The following MCF2L2 variants were observed in gnomAD, a reference collection of about 807,000 sequenced individuals.
The protein encoded by MCF2L2 is MCF.2 cell line derived transforming sequence-like 2, also known as probable guanine nucleotide exchange factor MCF2L2.
A neutral mutation model predicts 150.2 loss-of-function variants in MCF2L2; 102 were observed. The ratio of observed to expected loss-of-function variants is 0.68; its 90% CI spans 0.58 to 0.80. MCF2L2 has a LOEUF of 0.80. MCF2L2 is among the 30% of genes least tolerant of loss of function. The probability of loss-of-function intolerance (pLI) is 0.00; values close to 1 mark genes in which losing one functional copy is unlikely to be tolerated. For missense variants in MCF2L2, 1,256 were observed against 1,372.8 expected (o/e 0.91, Z 1.34); for synonymous variants, 465 against 491.3 (o/e 0.95, Z 0.71).
intron 12 of MCF2L2, chr3:183,296,681 A>C: frequency 7.1e-5 from 18 of 252,426 alleles, no homozygotes; most frequent in Middle Eastern, 1.3e-3. Context: ...GAGGGATGGA[A>C]GCATGCCTAT....
At chr3:183,344,388 T>C (rs184986514) in intron 3 of MCF2L2, among the ~76,000 whole-genome samples, 1 of 152,214 alleles carries the variant, frequency 6.6e-6, no homozygotes, top group Non-Finnish European at 1.5e-5. Flanking sequence ...ATTGGCAGAT[T>C]AAAACCCAAC....
intron 15 of MCF2L2, among the ~76,000 whole-genome samples, chr3:183,241,307 G>C (rs1057125328): frequency 6.6e-6 from 1 of 152,188 alleles, no homozygotes; most frequent in Non-Finnish European, 1.5e-5. Context: ...GGAGGTGAAA[G>C]TGTATGCTAT....
chr3:183,339,094 A>C (rs1430819950), intron 4 of MCF2L2, among the ~76,000 whole-genome samples, 175 bp from the exon 5 acceptor site: 2 of 152,218 alleles, frequency 1.3e-5, no homozygotes, highest in Admixed American at 1.3e-4. Context: ...TAGAGGTCAG[A>C]TAATCCTAAC....
chr3:183,278,392 G>T lies in MCF2L2; in HGVS notation c.1777-1435C>A, dbSNP rs146160262. ...TGTGTGTACATAAAAGTAAGTATCA[G>T]TCCCAGGATTCAAATTCGAACCAGT... On this transcript the variant is annotated intron_variant, in intron 14 of 29. Coordinates refer to ENST00000328913, the MANE Select transcript of MCF2L2 (RefSeq NM_015078.4). 5.1e-3 allele frequency among the ~76,000 whole-genome samples: 780 copies of T among 151,794 alleles called. 4 individuals carry two copies. Among genetic ancestry groups the T allele is most frequent in the Non-Finnish European group, 7.6e-3 (516 of 67,926 alleles).
In MCF2L2 at chr3:183,338,685, G is replaced by A. The variant is rs1730585938; in HGVS notation, c.486+115C>T. The stretch of plus-strand genomic sequence containing the variant: ...ACACATGCGGTTCCCTCAGCCCAGA[G>A]AACCCTTTTCTCCCTCTCTACCTGT... On this transcript the variant is annotated intron_variant, in intron 5 of 29. Coordinates refer to ENST00000328913, the MANE Select transcript of MCF2L2 (RefSeq NM_015078.4). 7 of 1,085,752 alleles carry A rather than the reference G, an allele frequency of 6.4e-6. No homozygotes were observed. In the South Asian group the frequency reaches 8.1e-5, roughly 13 times the overall value. The allele number at this position is 1,085,752 out of a possible 1,614,324, so 67.3% of individuals were successfully genotyped here. A position where few individuals can be genotyped will look rare whatever the true frequency, so the allele number is the denominator to read the frequency against.
intron 15 of MCF2L2, among the ~76,000 whole-genome samples, chr3:183,238,657 C>T (rs1723856995): frequency 6.6e-6 from 1 of 151,454 alleles, no homozygotes; most frequent in Non-Finnish European, 1.5e-5. Flanking sequence ...CCCAGGAAAG[C>T]CAAAAGATTG....
intron 5 of MCF2L2, among the ~76,000 whole-genome samples, chr3:183,326,981 A>G (rs1300025753): frequency 1.3e-5 from 2 of 152,166 alleles, no homozygotes; most frequent in East Asian, 3.8e-4. Context: ...AGGAATCTTG[A>G]CCCACACCTA....
rs1422348651 is a variant in MCF2L2, at chr3:183,224,118, G to C, written c.2188C>G (p.Gln730Glu). Reference protein sequence around the residue: ...PRARAIWQECQDCAYFGVCQR... With the variant: ...PRARAIWQECEDCAYFGVCQR... ...ATTACCCCAAAGTAGGCGCAGTCTT[G>C]ACACTCTTGCCAGATTGCCCTAGCT... is the stretch of plus-strand genomic sequence containing the variant. The change falls in exon 19 of 30, where the codon CAA (glutamine) becomes GAA (glutamate). Residue 730 changes from glutamine (Q) to glutamate (E), a missense_variant. Gln to Glu is a conservative substitution (Grantham distance 29). Transcript: ENST00000328913. 6.2e-7 allele frequency: 1 copy of C among 1,613,692 alleles called. No individual in the cohort carries two copies. Among genetic ancestry groups the C allele is most frequent in the East Asian group, 2.2e-5 (1 of 44,892 alleles).
chr3:183,368,450 T>C (rs1189497689), intron 3 of MCF2L2, among the ~76,000 whole-genome samples: 4 of 152,110 alleles, frequency 2.6e-5, no homozygotes, highest in East Asian at 1.9e-4. Context: ...GTAGTTGAGG[T>C]AGAGGCACTA....
Position 183,300,200 on chromosome 3 carries a change from C to A in MCF2L2, c.1114-4G>T. On this transcript the variant is annotated splice_polypyrimidine_tract_variant and splice_region_variant and intron_variant, in intron 10 of 29. Transcript: ENST00000328913. Reference sequence around the variant, plus strand: ...GCTGGGCCTTTTCCAGGGGCTCCTGCAAAGTGAACACCCACAGCCAGGCGT... The same window carrying A: ...GCTGGGCCTTTTCCAGGGGCTCCTGAAAAGTGAACACCCACAGCCAGGCGT... 2 of 1,598,662 alleles carry A rather than the reference C, an allele frequency of 1.3e-6. No homozygotes were observed. Among genetic ancestry groups the A allele is most frequent in the Non-Finnish European group, 1.7e-6 (2 of 1,175,140 alleles).
chr3:183,292,442 C>T (rs997152153), intron 13 of MCF2L2, among the ~76,000 whole-genome samples: 2 of 151,842 alleles, frequency 1.3e-5, no homozygotes, highest in African/African-American at 2.4e-5. Context: ...AGTAGACTCC[C>T]CAACAATAAA....
chr3:183,400,896 T>A (rs2108611223), intron 1 of MCF2L2, among the ~76,000 whole-genome samples: 1 of 152,206 alleles, frequency 6.6e-6, no homozygotes. Flanking sequence ...AATTCTACCC[T>A]CCTTCTCTTC....
At chr3:183,294,475 C>A (rs891098985) in intron 13 of MCF2L2, among the ~76,000 whole-genome samples, 7 of 151,424 alleles carry the variant, frequency 4.6e-5, no homozygotes, top group African/African-American at 1.7e-4. Context: ...CCTCAGCCTC[C>A]TGAGTAGCTG....
intron 15 of MCF2L2, among the ~76,000 whole-genome samples, chr3:183,246,557 T>C (rs1280171540): frequency 2.0e-5 from 3 of 152,230 alleles, no homozygotes; most frequent in African/African-American, 7.2e-5. Context: ...CCATTTTATG[T>C]GTCTACCACA....
chr3:183,180,294 T>C (rs1721474057), intron 27 of MCF2L2, 135 bp from the exon 28 acceptor site: 1 of 671,136 alleles, frequency 1.5e-6, no homozygotes, highest in Non-Finnish European at 2.7e-6. Context: ...TCCAAGGGCC[T>C]GCACTGCGCT....
Position 183,179,769 on chromosome 3 carries a change from C to T in MCF2L2, c.3106-77G>A, listed in dbSNP as rs574863311. On this transcript the variant is annotated intron_variant, in intron 28 of 29. Coordinates refer to ENST00000328913, the MANE Select transcript of MCF2L2 (RefSeq NM_015078.4). This position sits in a 1 kb window ranked among gnomAD's most constrained non-coding sequence, Gnocchi z 4.2. Reference sequence around the variant, plus strand: ...CCAGACCGGGCAAGGTGGTGACTCCCGCTGGCAGGCTGAGGCCCACCCCAG... The same window carrying T: ...CCAGACCGGGCAAGGTGGTGACTCCTGCTGGCAGGCTGAGGCCCACCCCAG... 19 of 1,322,260 alleles carry T rather than the reference C, an allele frequency of 1.4e-5. No homozygotes were observed. The East Asian group carries it at 3.7e-4, about 26-fold the overall frequency. 81.9% of individuals were successfully genotyped at this position (1,322,260 alleles called of 1,614,324 possible).
chr3:183,427,991 C>T lies in MCF2L2; in HGVS notation c.-14G>A. On this transcript the variant is annotated 5_prime_UTR_variant, in exon 1 of 30. The change abolishes an upstream ATG in the 5' untranslated region. Coordinates refer to ENST00000328913, the MANE Select transcript of MCF2L2 (RefSeq NM_015078.4). ...GCAAGACAGCATTTCACTGAAAAAC[C>T]ATTCCGTATAAATAAAGCCAAACAA... 1 of 1,606,386 alleles carries T rather than the reference C, an allele frequency of 6.2e-7. No individual in the cohort carries two copies. Among genetic ancestry groups the T allele is most frequent in the East Asian group, 2.2e-5 (1 of 44,832 alleles).
chr3:183,256,292 G>C lies in MCF2L2; in HGVS notation c.1862+20580C>G, dbSNP rs540742551. Among the ~76,000 whole-genome samples the C allele has an allele frequency of 5.9e-5, 9 of 152,266 alleles. No homozygotes were observed. In the South Asian group the frequency reaches 1.9e-3, roughly 32 times the overall value. On this transcript the variant is annotated intron_variant, in intron 15 of 29. Transcript: ENST00000328913. Reference sequence around the variant, plus strand: ...CTGCCCTTTGATATCGAATCTCTGTGAGCGAAGATGTAACCAGAACAGTGT... The same window carrying C: ...CTGCCCTTTGATATCGAATCTCTGTCAGCGAAGATGTAACCAGAACAGTGT...
At chr3:183,333,970 A>C (rs972079533) in intron 5 of MCF2L2, among the ~76,000 whole-genome samples, 2 of 152,036 alleles carry the variant, frequency 1.3e-5, no homozygotes, top group Non-Finnish European at 2.9e-5. Flanking sequence ...CCAAAAAAAA[A>C]AAAAAAAAAA....
Sources: gnomAD v4.1 joint callset for allele counts (sites outside exome capture counted in the v4.1 genomes callset) on GRCh38, gnomAD v4.1.1 for gene constraint, Gnocchi (gnomAD v3.1) non-coding constraint, MANE v1.5 for transcripts, NCBI Gene and HGNC (gene_info 2026-07-23, HGNC 2026-07-21) for gene names.